GALNT13: variants seen among roughly 807,000 people sequenced by gnomAD.
GALNT13 encodes the protein UDP-GalNAc:polypeptide N-acetylgalactosaminyltransferase 13.
In GALNT13, 28 loss-of-function variants were observed where a neutral mutation model predicts 64.2. The ratio of observed to expected loss-of-function variants is 0.44; its 90% CI spans 0.32 to 0.60. The LOEUF is 0.60. GALNT13 is among the 20% of genes least tolerant of loss of function. The pLI, the probability that GALNT13 is intolerant of heterozygous loss-of-function variation, is 0.05. For synonymous variants in GALNT13, 214 were observed against 224.6 expected (o/e 0.95, Z 0.42); for missense variants, 577 against 669.8 (o/e 0.86, Z 1.53).
chr2:153,920,694 C>A (rs1689695287), intron 2 of GALNT13, among the ~76,000 whole-genome samples: 2 of 152,068 alleles, frequency 1.3e-5, no homozygotes, highest in South Asian at 4.1e-4. Flanking sequence ...AACAAACAGA[C>A]AATCTACAGA....
At chr2:154,367,015 TG>T (rs1697401051) in intron 9 of GALNT13, among the ~76,000 whole-genome samples, 1 of 152,176 alleles carries the variant, frequency 6.6e-6, no homozygotes, top group Admixed American at 6.5e-5. Flanking sequence ...GTGAAATGAA[TG>T]GGTTTCATTG....
At chr2:154,303,966 C>G (rs1693592857) in intron 9 of GALNT13, among the ~76,000 whole-genome samples, 1 of 152,060 alleles carries the variant, frequency 6.6e-6, no homozygotes, top group Admixed American at 6.6e-5. Flanking sequence ...CCATGTTGGC[C>G]AGGCTGGTCT....
intron 3 of GALNT13, among the ~76,000 whole-genome samples, chr2:154,019,028 A>G (rs1697231839): frequency 6.6e-6 from 1 of 152,164 alleles, no homozygotes; most frequent in African/African-American, 2.4e-5. Flanking sequence ...TATGAAGAGC[A>G]GAATCAAGAC....
At chr2:153,296,671 G>C in the GALNT13 span, among the ~76,000 whole-genome samples, 2 of 152,232 alleles carry the variant, frequency 1.3e-5, no homozygotes, top group South Asian at 4.1e-4. Context: ...TAGAAACTGT[G>C]TTTCTAGTAG....
intron 2 of GALNT13, among the ~76,000 whole-genome samples, chr2:153,917,090 C>T (rs1322740401): frequency 6.6e-6 from 1 of 152,004 alleles, no homozygotes; most frequent in Non-Finnish European, 1.5e-5. Flanking sequence ...TGACCTCTAC[C>T]ACCTATTTAA....
At chr2:153,800,996 C>T in the GALNT13 span, among the ~76,000 whole-genome samples, 1 of 152,160 alleles carries the variant, frequency 6.6e-6, no homozygotes, top group African/African-American at 2.4e-5. Flanking sequence ...ATGGAGATGG[C>T]TTCTTTCCTT....
intron 3 of GALNT13, among the ~76,000 whole-genome samples, chr2:154,069,153 A>G (rs992798259): frequency 2.6e-5 from 4 of 152,068 alleles, no homozygotes; most frequent in African/African-American, 9.7e-5. Flanking sequence ...ATATTCTTCA[A>G]AAATAAATAT....
the GALNT13 span, among the ~76,000 whole-genome samples, chr2:153,408,177 T>G: frequency 1.3e-5 from 2 of 151,652 alleles, no homozygotes; most frequent in East Asian, 3.9e-4. Context: ...AGCAGAGGAG[T>G]GGACCATGAA....
chr2:153,363,243 G>A, the GALNT13 span, among the ~76,000 whole-genome samples: 2,925 of 152,150 alleles, frequency 0.019, 104 homozygotes, highest in African/African-American at 0.066. Context: ...AGTGTTAACA[G>A]GGAAGTTTAT....
At chr2:153,452,092 T>C in the GALNT13 span, among the ~76,000 whole-genome samples, 1 of 152,222 alleles carries the variant, frequency 6.6e-6, no homozygotes, top group East Asian at 1.9e-4. Context: ...TAACAAGTTT[T>C]CATGAGAATT....
chr2:153,222,337 G>GGGGTGGT, the GALNT13 span, among the ~76,000 whole-genome samples: 1 of 31,554 alleles, frequency 3.2e-5, no homozygotes, highest in African/African-American at 1.1e-4. Context: ...TGGGGTGGGG[G>GGGGTGGT]GGGGGGTTGG....
chr2:153,275,107 G>A, the GALNT13 span, among the ~76,000 whole-genome samples: 1 of 152,060 alleles, frequency 6.6e-6, no homozygotes, highest in Non-Finnish European at 1.5e-5. Flanking sequence ...TCCCTGTACT[G>A]CCCCACTTCC....
chr2:153,433,476 C>T, the GALNT13 span, among the ~76,000 whole-genome samples: 10 of 152,064 alleles, frequency 6.6e-5, no homozygotes, highest in Admixed American at 2.6e-4. Flanking sequence ...ATACTGTACA[C>T]GTTAACTTTG....
chr2:154,019,736 A>G (rs150233771), intron 3 of GALNT13, among the ~76,000 whole-genome samples: 17,764 of 150,892 alleles, frequency 0.12, 1,848 homozygotes, highest in African/African-American at 0.27. Context: ...GTTTTAGAGT[A>G]CATGTGCACA....
intron 4 of GALNT13, among the ~76,000 whole-genome samples, chr2:154,196,208 G>T (rs1686869426): frequency 6.7e-6 from 1 of 149,118 alleles, no homozygotes; most frequent in Admixed American, 6.7e-5. Context: ...GTCAGTCTTA[G>T]AAATGATCTG....
chr2:154,122,189 T>G (rs1340276618), intron 3 of GALNT13, among the ~76,000 whole-genome samples: 1 of 152,038 alleles, frequency 6.6e-6, no homozygotes, highest in African/African-American at 2.4e-5. Context: ...CTAGATTAAA[T>G]GTGTGCTACA....
At chr2:153,113,979 C>T in the GALNT13 span, among the ~76,000 whole-genome samples, 1 of 152,078 alleles carries the variant, frequency 6.6e-6, no homozygotes, top group Non-Finnish European at 1.5e-5. Context: ...ATAAGAAGTT[C>T]TTCCCAATGT....
chr2:153,069,666 A>T, the GALNT13 span, among the ~76,000 whole-genome samples: 1 of 152,186 alleles, frequency 6.6e-6, no homozygotes, highest in East Asian at 1.9e-4. Flanking sequence ...ATTTGCTGAG[A>T]TGTAAGCTGC....
At chr2:154,059,152 C>T (rs1184895360) in intron 3 of GALNT13, among the ~76,000 whole-genome samples, 2 of 152,152 alleles carry the variant, frequency 1.3e-5, no homozygotes, top group African/African-American at 2.4e-5. Flanking sequence ...CTGCGGTTAC[C>T]GCAAACTGAA....
Sources: gnomAD v4.1 joint callset for allele counts (sites outside exome capture counted in the v4.1 genomes callset) on GRCh38, gnomAD v4.1.1 for gene constraint, MANE v1.5 for transcripts, NCBI Gene and HGNC (gene_info 2026-07-23, HGNC 2026-07-21) for gene names.